ATP8A1: variants seen among roughly 807,000 people sequenced by gnomAD.
ATP8A1 encodes the protein phospholipid-transporting ATPase IA.
ATP8A1 carries 90 observed loss-of-function variants against 177.7 expected under a neutral mutation model. That is an observed-to-expected ratio of 0.51 (90% CI 0.43 to 0.60). ATP8A1 has a LOEUF of 0.60. Among genes scored for constraint, ATP8A1 ranks in the 20% least tolerant of loss-of-function variants. The probability of loss-of-function intolerance (pLI) is 0.00; values close to 1 mark genes in which losing one functional copy is unlikely to be tolerated. For synonymous variants in ATP8A1, 493 were observed against 485.9 expected, an observed-to-expected ratio of 1.01 and a Z score of -0.19; for missense variants, 1,072 against 1,392.8, an observed-to-expected ratio of 0.77 and a Z score of 3.67.
chr4:42,573,522 G>C (rs568700384), intron 14 of ATP8A1, among the ~76,000 whole-genome samples: 4 of 152,114 alleles, frequency 2.6e-5, no homozygotes, highest in Non-Finnish European at 5.9e-5. Context: ...CATCCAGCCC[G>C]GGAAGCAGTA....
At chr4:42,468,193 G>A (rs1174004062) in intron 25 of ATP8A1, among the ~76,000 whole-genome samples, 2 of 152,134 alleles carry the variant, frequency 1.3e-5, no homozygotes, top group Non-Finnish European at 2.9e-5. Flanking sequence ...ACTAAAAGTA[G>A]AACTACCATT....
intron 5 of ATP8A1, among the ~76,000 whole-genome samples, chr4:42,610,935 T>C (rs75434774): frequency 0.018 from 2,802 of 152,266 alleles, 74 homozygotes; most frequent in African/African-American, 0.063. Flanking sequence ...AGCAACACTC[T>C]CTTTTTCAGC....
At chr4:42,532,109 TAC>T (rs1256940844) in intron 20 of ATP8A1, among the ~76,000 whole-genome samples, 1 of 150,486 alleles carries the variant, frequency 6.6e-6, no homozygotes, top group Admixed American at 6.6e-5. Context: ...CTCAAAAAAA[TAC>T]ACACACACAC....
intron 31 of ATP8A1, among the ~76,000 whole-genome samples, chr4:42,446,113 GT>G (rs1293868742): frequency 8.5e-6 from 1 of 117,034 alleles, no homozygotes; most frequent in Non-Finnish European, 1.9e-5. Context: ...AAGAGATATA[GT>G]TTGAAATAAA....
chr4:42,540,678 G>A (rs1315770703), intron 20 of ATP8A1, among the ~76,000 whole-genome samples: 2 of 152,014 alleles, frequency 1.3e-5, no homozygotes, highest in Non-Finnish European at 2.9e-5. Context: ...AATATGCCAG[G>A]CACAGAATGA....
chr4:42,429,943 C>T (rs1156628095), intron 33 of ATP8A1, among the ~76,000 whole-genome samples: 2 of 152,194 alleles, frequency 1.3e-5, no homozygotes, highest in East Asian at 3.9e-4. Flanking sequence ...ACAGCAAGCC[C>T]AATGGTGACT....
At chr4:42,616,579 A>G (rs1736939273) in intron 4 of ATP8A1, among the ~76,000 whole-genome samples, 2 of 152,204 alleles carry the variant, frequency 1.3e-5, no homozygotes, top group African/African-American at 4.8e-5. Flanking sequence ...ATGTCGGCCA[A>G]TGACTTGAAC....
chr4:42,514,540 A>T (rs982159137), intron 22 of ATP8A1, among the ~76,000 whole-genome samples: 2 of 152,230 alleles, frequency 1.3e-5, no homozygotes, highest in Admixed American at 6.5e-5. Flanking sequence ...TAGAGTACAT[A>T]GAGGCTGCCT....
At chr4:42,559,372 A>G (rs1730581329) in intron 15 of ATP8A1, among the ~76,000 whole-genome samples, 1 of 152,206 alleles carries the variant, frequency 6.6e-6, no homozygotes, top group South Asian at 2.1e-4. Context: ...CACAATTCAC[A>G]AGGAAGGAAA....
chr4:42,607,083 C>T (rs555882001), intron 5 of ATP8A1, among the ~76,000 whole-genome samples: 1 of 152,292 alleles, frequency 6.6e-6, no homozygotes, highest in African/African-American at 2.4e-5. Context: ...TAGAGTAACG[C>T]TTCTTTGAAA....
intron 6 of ATP8A1, among the ~76,000 whole-genome samples, chr4:42,598,230 TTAGATA>T (rs1222058575): frequency 6.6e-6 from 1 of 152,152 alleles, no homozygotes; most frequent in African/African-American, 2.4e-5. Flanking sequence ...AGGTTGTGAC[TTAGATA>T]TAAATATTCA....
intron 19 of ATP8A1, 24 bp downstream of exon 19, chr4:42,548,989 C>G (rs1212507980): frequency 6.3e-7 from 1 of 1,575,614 alleles, no homozygotes; most frequent in South Asian, 1.2e-5. Context: ...CTTATCCATA[C>G]AAATCACTGA....
chr4:42,533,117 C>G (rs113024865), intron 20 of ATP8A1, among the ~76,000 whole-genome samples: 4,049 of 152,290 alleles, frequency 0.027, 79 homozygotes, highest in South Asian at 0.094. Context: ...CAAGAACTAC[C>G]ACATGAACAT....
chr4:42,463,735 G>A (rs1379154041), intron 27 of ATP8A1, among the ~76,000 whole-genome samples: 1 of 152,094 alleles, frequency 6.6e-6, no homozygotes, highest in African/African-American at 2.4e-5. Flanking sequence ...CACATAAAAC[G>A]GATTATAGAA....
At chr4:42,507,753 AAAGTCAGTTAAAAAGGACAGGCATTCT>A (rs1724537576) in intron 22 of ATP8A1, among the ~76,000 whole-genome samples, 1 of 138,608 alleles carries the variant, frequency 7.2e-6, no homozygotes, top group Non-Finnish European at 1.6e-5. Context: ...AAAAAAAAAA[AAAGTCAGTTAAAAAGGACAGGCATTCT>A]AAAAAAAAAA....
At position 42,502,402 on chromosome 4, in the gene ATP8A1, A is replaced by G. The variant is rs144823532; in HGVS notation, c.2151+1048T>C. On this transcript the variant is annotated intron_variant, in intron 24 of 36. Coordinates refer to ENST00000381668, the MANE Select transcript of ATP8A1 (RefSeq NM_006095.2). ...TTCACTTCTCTTTCTTGAGATTACT[A>G]TTCTCTGCTTGATACTTAAAACATT... Among the ~76,000 whole-genome samples the G allele has an allele frequency of 2.3e-3, 349 of 152,290 alleles. 1 individual carries two copies. The highest frequency in any genetic ancestry group is 8.1e-3 in the African/African-American group (338 of 41,554).
At chr4:42,616,805 G>T (rs10517044) in intron 4 of ATP8A1, among the ~76,000 whole-genome samples, 3 of 152,020 alleles carry the variant, frequency 2.0e-5, no homozygotes, top group South Asian at 2.1e-4. Context: ...TATAGCAGTG[G>T]GTAAGAAGAA....
intron 25 of ATP8A1, among the ~76,000 whole-genome samples, chr4:42,485,034 T>C (rs1722054372): frequency 6.6e-6 from 1 of 152,168 alleles, no homozygotes; most frequent in Non-Finnish European, 1.5e-5. Context: ...TAATTTAGGA[T>C]ATAGGCAATT....
chr4:42,515,304 G>A (rs919247579), intron 22 of ATP8A1, among the ~76,000 whole-genome samples: 1 of 152,216 alleles, frequency 6.6e-6, no homozygotes, highest in Non-Finnish European at 1.5e-5. Context: ...AAAGTGATAT[G>A]TGCAGCTACT....
Sources: allele counts gnomAD v4.1 joint callset (sites outside exome capture counted in the v4.1 genomes callset), GRCh38; gene constraint gnomAD v4.1.1; transcripts MANE v1.5; gene names NCBI Gene and HGNC (gene_info 2026-07-23, HGNC 2026-07-21).